Variants in TERB1 observed in about 807,000 individuals in gnomAD.
TERB1 encodes the protein telomere repeat binding bouquet formation protein 1, also known as telomere repeats-binding bouquet formation protein 1.
Under a neutral mutation model 92.3 loss-of-function variants are expected in TERB1, and 63 were observed. That is an observed-to-expected ratio of 0.68 (90% CI 0.56 to 0.84). The LOEUF (loss-of-function observed/expected upper bound fraction) is 0.84. TERB1 is among the 40% of genes least tolerant of loss of function. The pLI is 0.00. For missense variants in TERB1, 709 were observed against 843.7 expected, an observed-to-expected ratio of 0.84 and a Z score of 1.98; for synonymous variants, 252 against 283.9, an observed-to-expected ratio of 0.89 and a Z score of 1.13.
At chr16:66,794,801 T>C (rs914196927) in intron 3 of TERB1, among the ~76,000 whole-genome samples, 4 of 151,776 alleles carry the variant, frequency 2.6e-5, no homozygotes, top group Admixed American at 1.3e-4. Flanking sequence ...TCCCAGCTAC[T>C]TGGGAGGCTG....
intron 10 of TERB1, among the ~76,000 whole-genome samples, chr16:66,777,670 G>A (rs900816137): frequency 8.5e-5 from 13 of 152,136 alleles, no homozygotes; most frequent in Non-Finnish European, 1.0e-4. Flanking sequence ...CCTAAAAGCT[G>A]AGTATGCTTA....
At chr16:66,797,336 G>T (rs1268631363) in intron 2 of TERB1, among the ~76,000 whole-genome samples, 2 of 150,824 alleles carry the variant, frequency 1.3e-5, no homozygotes, top group East Asian at 3.9e-4. Flanking sequence ...CCCAGGATAA[G>T]GTGATCCTCC....
chr16:66,793,254 C>T (rs1597027211), intron 3 of TERB1, among the ~76,000 whole-genome samples: 1 of 105,716 alleles, frequency 9.5e-6, no homozygotes, highest in South Asian at 3.4e-4. Context: ...GTCTCGCTTT[C>T]TCACCCAGGC....
chr16:66,798,704 G>A (rs371928486), intron 2 of TERB1, among the ~76,000 whole-genome samples: 3 of 152,138 alleles, frequency 2.0e-5, no homozygotes, highest in African/African-American at 4.8e-5. Flanking sequence ...CTAGAAAGAC[G>A]ACATATTAAC....
rs983558358 is a variant in TERB1, at chr16:66,783,557, G to A, written c.700+2229C>T. ...AATGTTGTTTCTGGGTTCTGATATC[G>A]GTGTAATGCTGGCCTTATATGTTGG... On this transcript the variant is annotated intron_variant, in intron 9 of 18. Coordinates refer to ENST00000433154, the MANE Select transcript of TERB1 (RefSeq NM_001136505.2). Among the ~76,000 whole-genome samples the A allele has an allele frequency of 5.9e-5, 9 of 152,100 alleles. No individual in the cohort carries two copies. The South Asian group carries it at 6.2e-4, about 11-fold the overall frequency.
intron 14 of TERB1, among the ~76,000 whole-genome samples, chr16:66,768,997 CG>C (rs1262325617): frequency 1.3e-5 from 2 of 151,338 alleles, no homozygotes; most frequent in Admixed American, 1.3e-4. Context: ...CCCAGCTACT[CG>C]GGAGGCTGAG....
chr16:66,781,346 C>T (rs1184080671), intron 9 of TERB1, among the ~76,000 whole-genome samples: 5 of 152,166 alleles, frequency 3.3e-5, no homozygotes, highest in Non-Finnish European at 7.3e-5. Flanking sequence ...CATAAGCCAC[C>T]ATGCCCAGCC....
intron 10 of TERB1, among the ~76,000 whole-genome samples, chr16:66,777,547 C>A (rs949352198): frequency 1.3e-4 from 20 of 151,878 alleles, no homozygotes; most frequent in Admixed American, 2.6e-4. Context: ...ATTACTATAA[C>A]CCTCATTACT....
At chr16:66,801,289 T>C (rs568411572) in intron 1 of TERB1, among the ~76,000 whole-genome samples, 179 bp downstream of exon 1, 1 of 152,248 alleles carries the variant, frequency 6.6e-6, no homozygotes, top group Admixed American at 6.5e-5. Context: ...CTCTAAATGG[T>C]GCATCACGTG....
chr16:66,786,055 A>G lies in TERB1; in HGVS notation c.536T>C (p.Val179Ala). Residue 179 changes from valine (V) to alanine (A), a missense_variant, in exon 8 of 19, where the codon GTG (valine) becomes GCG (alanine). Physicochemically the swap from Val to Ala is moderately conservative, Grantham distance 64. Coordinates refer to ENST00000433154, the MANE Select transcript of TERB1 (RefSeq NM_001136505.2). ...GACACAGACACACAGAGTACTACAC[A>G]CTGAAGACCACAACTGATAACTCTG... is the stretch of plus-strand genomic sequence containing the variant. ...VFQSYQLWSS[V>A]CSTLCVCVNN... The G allele has an allele frequency of 1.9e-6, 3 of 1,551,850 alleles. No individual in the cohort carries two copies. Among genetic ancestry groups the G allele is most frequent in the Non-Finnish European group, 2.6e-6 (3 of 1,146,914 alleles).
At position 66,777,293 on chromosome 16, in the gene TERB1, T is replaced by G. The variant is rs1429337354; in HGVS notation, c.895A>C (p.Lys299Gln). The change falls in exon 11 of 19, where the codon AAA (lysine) becomes CAA (glutamine). Residue 299 changes from lysine (K) to glutamine (Q), a missense_variant. Physicochemically the swap from Lys to Gln is moderately conservative, Grantham distance 53 (BLOSUM62 1). Coordinates refer to ENST00000433154, the MANE Select transcript of TERB1 (RefSeq NM_001136505.2). ...TCATGAAGCAGTAATGCCAGAAGTT[T>G]AGAAACAATGTGGTACTTGGAGAGT... ...IVLSKYHIVSKLLALLLHESL... is the reference protein window; with the variant it reads ...IVLSKYHIVSQLLALLLHESL... 3 of 1,549,582 alleles carry G rather than the reference T, an allele frequency of 1.9e-6. No individual in the cohort carries two copies. The highest frequency in any genetic ancestry group is 2.6e-6 in the Non-Finnish European group (3 of 1,145,252).
chr16:66,785,105 C>T (rs138605737), intron 9 of TERB1, among the ~76,000 whole-genome samples: 1,530 of 150,432 alleles, frequency 0.01, 6 homozygotes, highest in Middle Eastern at 0.017. Context: ...CTGCAACTTC[C>T]GTCTCCTGGG....
chr16:66,770,393 T>G, intron 13 of TERB1, 84 bp from the exon 14 acceptor site: 1 of 962,960 alleles, frequency 1.0e-6, no homozygotes, highest in Non-Finnish European at 1.5e-6. Context: ...TAATGAAGAA[T>G]GAAGAAAAAG....
At chr16:66,774,952 C>A (rs2145148974) in intron 12 of TERB1, among the ~76,000 whole-genome samples, 166 bp downstream of exon 12, 1 of 152,224 alleles carries the variant, frequency 6.6e-6, no homozygotes, top group African/African-American at 2.4e-5. Context: ...CTGCCTTGGC[C>A]TCCCAAAGTG....
chr16:66,767,973 C>T, intron 15 of TERB1, 131 bp downstream of exon 15: 1 of 699,548 alleles, frequency 1.4e-6, no homozygotes. Context: ...GCTGATCTGC[C>T]CACCTAGGCC....
At position 66,758,808 on chromosome 16, in the gene TERB1, C is replaced by T. The variant is rs1239672532; in HGVS notation, c.1961G>A (p.Arg654Gln). 19 of 1,536,252 alleles carry T rather than the reference C, an allele frequency of 1.2e-5. No individual in the cohort carries two copies. In the East Asian group the frequency reaches 1.7e-4, roughly 14 times the overall value. The change falls in exon 18 of 19, where the codon CGA (arginine) becomes CAA (glutamine). Residue 654 changes from arginine (R) to glutamine (Q), a missense_variant. Arg to Gln is a conservative substitution (Grantham distance 43). Transcript: ENST00000433154. ...AGGGGTAGTAGATTCATTACTGAGTCGTTGTCTTCTACGTGGGGTCAGCAG... is the reference window on the plus strand; with the variant it reads ...AGGGGTAGTAGATTCATTACTGAGTTGTTGTCTTCTACGTGGGGTCAGCAG... ...KILLTPRRRQ[R>Q]LSNESTTPGG...
intron 14 of TERB1, among the ~76,000 whole-genome samples, chr16:66,769,540 A>G (rs1019356199): frequency 5.9e-5 from 9 of 152,228 alleles, no homozygotes; most frequent in Admixed American, 1.3e-4. Flanking sequence ...ACCCAAACCA[A>G]ATTTTCTTCA....
intron 1 of TERB1, 120 bp downstream of exon 1, chr16:66,801,348 G>A (rs1959288234): frequency 6.6e-6 from 1 of 152,328 alleles, no homozygotes; most frequent in Non-Finnish European, 1.5e-5. Flanking sequence ...GCCGGGGCCT[G>A]GCACCTGCTC....
intron 9 of TERB1, among the ~76,000 whole-genome samples, chr16:66,785,022 T>C (rs2018704773): frequency 8.3e-6 from 1 of 120,268 alleles, no homozygotes; most frequent in South Asian, 3.0e-4. Context: ...TGCGTCTGGC[T>C]TTTTTTTTTT....
Sources: gnomAD v4.1 joint callset for allele counts (sites outside exome capture counted in the v4.1 genomes callset) on GRCh38, gnomAD v4.1.1 for gene constraint, MANE v1.5 for transcripts, NCBI Gene and HGNC (gene_info 2026-07-23, HGNC 2026-07-21) for gene names.